Variants in CNTNAP5 observed in about 807,000 individuals in gnomAD.
The protein encoded by CNTNAP5 is contactin associated protein family member 5.
CNTNAP5 carries 72 observed loss-of-function variants against 150.2 expected under a neutral mutation model. That is an observed-to-expected ratio of 0.48 (90% CI 0.40 to 0.58). CNTNAP5 has a LOEUF of 0.58. Ranked by LOEUF, CNTNAP5 falls within the 20% of genes least tolerant of loss-of-function variation. The probability of loss-of-function intolerance (pLI) is 0.00; values close to 1 mark genes in which losing one functional copy is unlikely to be tolerated. For synonymous variants in CNTNAP5, 672 were observed against 619.8 expected (o/e 1.08, Z -1.25); for missense variants, 1,636 against 1,626.2 (o/e 1.01, Z -0.10).
intron 3 of CNTNAP5, 114 bp downstream of exon 3, chr2:124,242,507 T>A: frequency 1.0e-6 from 1 of 1,002,362 alleles, no homozygotes; most frequent in Non-Finnish European, 1.5e-6. Context: ...AACTGGTGAG[T>A]GCCCATTAGA....
At chr2:124,786,865 A>G (rs1007699869) in intron 17 of CNTNAP5, among the ~76,000 whole-genome samples, 3 of 152,228 alleles carry the variant, frequency 2.0e-5, no homozygotes, top group African/African-American at 7.2e-5. Context: ...AAGAAAAAGC[A>G]AACTTACTCC....
intron 1 of CNTNAP5, among the ~76,000 whole-genome samples, chr2:124,080,584 A>ATCATTTCC (rs952113151): frequency 6.6e-6 from 1 of 152,188 alleles, no homozygotes; most frequent in African/African-American, 2.4e-5. Flanking sequence ...AACACTGAAA[A>ATCATTTCC]TCATTTCCAA....
chr2:124,403,594 T>C (rs1307139556), intron 3 of CNTNAP5, among the ~76,000 whole-genome samples: 1 of 152,216 alleles, frequency 6.6e-6, no homozygotes, highest in African/African-American at 2.4e-5. Context: ...TCCATTTCAA[T>C]ATACCTTTAA....
intron 1 of CNTNAP5, among the ~76,000 whole-genome samples, chr2:124,079,202 A>C (rs1219497795): frequency 1.3e-5 from 2 of 152,210 alleles, no homozygotes; most frequent in Non-Finnish European, 1.5e-5. Flanking sequence ...TAGGCAGAAA[A>C]TTTGATCTCA....
At chr2:124,492,735 A>G (rs1273650749) in intron 7 of CNTNAP5, among the ~76,000 whole-genome samples, 1 of 152,062 alleles carries the variant, frequency 6.6e-6, no homozygotes, top group African/African-American at 2.4e-5. Flanking sequence ...TTTTGATGCT[A>G]TTGTAAATGG....
At chr2:124,697,829 A>G (rs962961580) in intron 13 of CNTNAP5, among the ~76,000 whole-genome samples, 33 of 152,296 alleles carry the variant, frequency 2.2e-4, no homozygotes, top group Admixed American at 5.9e-4. Flanking sequence ...GCACTGTTCT[A>G]TGAACTTGCA....
rs56024878 is a variant in CNTNAP5 at position 124,872,374 on chromosome 2, C to CTGTG, written c.3436+2651_3436+2654dup. Among the ~76,000 whole-genome samples the CTGTG allele has an allele frequency of 3.1e-3, 436 of 139,410 alleles. 2 individuals are homozygous for CTGTG. Among genetic ancestry groups the CTGTG allele is most frequent in the Middle Eastern group, 0.011 (3 of 274 alleles). 91.5% of individuals were successfully genotyped at this position (139,410 alleles called of 152,430 possible). A position where few individuals can be genotyped will look rare whatever the true frequency, so the allele number is the denominator to read the frequency against. ...TCCTGTGGTAACTTGTTTCCTTATG[C>CTGTG]TGTGTGTGTGTGTGTGTGTGTGTGT... On this transcript the variant is annotated intron_variant, in intron 21 of 23. Coordinates refer to ENST00000682447, the MANE Select transcript of CNTNAP5 (RefSeq NM_001367498.1).
intron 13 of CNTNAP5, among the ~76,000 whole-genome samples, chr2:124,651,161 T>A (rs1025994505): frequency 2.0e-5 from 3 of 152,246 alleles, no homozygotes; most frequent in Non-Finnish European, 1.5e-5. Context: ...ATAGTTTTGT[T>A]ATTAATTTTT....
At chr2:124,437,550 T>TA (rs894599904) in intron 5 of CNTNAP5, among the ~76,000 whole-genome samples, 6 of 151,916 alleles carry the variant, frequency 3.9e-5, no homozygotes, top group African/African-American at 9.7e-5. Context: ...GAAAATAATA[T>TA]AAAAAAAAGA....
intron 1 of CNTNAP5, among the ~76,000 whole-genome samples, chr2:124,203,149 T>C (rs1338180014): frequency 6.6e-6 from 1 of 152,140 alleles, no homozygotes. Flanking sequence ...ATGGAAGACA[T>C]TGGCCAAAAC....
intron 3 of CNTNAP5, among the ~76,000 whole-genome samples, chr2:124,320,106 G>A (rs544529565): frequency 6.6e-6 from 1 of 152,152 alleles, no homozygotes; most frequent in Non-Finnish European, 1.5e-5. Context: ...TTCCATTTAC[G>A]TCGTAACATA....
chr2:124,324,500 A>G (rs1689169520), intron 3 of CNTNAP5, among the ~76,000 whole-genome samples: 1 of 152,196 alleles, frequency 6.6e-6, no homozygotes, highest in Non-Finnish European at 1.5e-5. Flanking sequence ...ACTCAAGAAG[A>G]ATGCCTGGAG....
chr2:124,382,453 T>C (rs1275157842), intron 3 of CNTNAP5, among the ~76,000 whole-genome samples: 1 of 152,132 alleles, frequency 6.6e-6, no homozygotes, highest in African/African-American at 2.4e-5. Flanking sequence ...GAAGCATCAC[T>C]GGGTGGTTTT....
chr2:124,302,790 T>C (rs992663929), intron 3 of CNTNAP5, among the ~76,000 whole-genome samples: 1 of 152,202 alleles, frequency 6.6e-6, no homozygotes, highest in South Asian at 2.1e-4. Flanking sequence ...CAAAGACTTC[T>C]GGGCTTGAGT....
At chr2:124,474,000 C>T (rs1693580904) in intron 6 of CNTNAP5, among the ~76,000 whole-genome samples, 1 of 151,898 alleles carries the variant, frequency 6.6e-6, no homozygotes, top group Admixed American at 6.6e-5. Context: ...TGACAAAAAC[C>T]GCAGTTGCTT....
intron 15 of CNTNAP5, 75 bp downstream of exon 15, chr2:124,763,874 T>A: frequency 6.2e-7 from 1 of 1,601,808 alleles, no homozygotes; most frequent in Non-Finnish European, 8.5e-7. Context: ...TTATCCCTTT[T>A]CCCTGCAGTG....
intron 1 of CNTNAP5, among the ~76,000 whole-genome samples, chr2:124,077,269 G>A (rs937895196): frequency 1.3e-4 from 20 of 151,756 alleles, no homozygotes; most frequent in African/African-American, 4.1e-4. Context: ...AATACGTCTC[G>A]GTGTATCCTC....
intron 1 of CNTNAP5, among the ~76,000 whole-genome samples, chr2:124,045,347 G>A (rs1276758359): frequency 1.4e-5 from 2 of 145,162 alleles, no homozygotes; most frequent in Non-Finnish European, 3.0e-5. Flanking sequence ...CACACAGGCT[G>A]GAGAGCAATG....
Position 124,865,426 on chromosome 2 carries a change from T to C in CNTNAP5, c.3338T>C (p.Leu1113Pro). The C allele has an allele frequency of 6.4e-7, 1 of 1,551,626 alleles. No homozygotes were observed. Among genetic ancestry groups the C allele is most frequent in the South Asian group, 1.2e-5 (1 of 84,052 alleles). Reference protein sequence around the residue: ...HLKINREGRELTIQMDQQLRL... With the variant: ...HLKINREGREPTIQMDQQLRL... ...AAGATTAACCGAGAGGGAAGAGAGC[T>C]TACCATTCAGGTACCTTCCTTACTT... Residue 1113 changes from leucine (L) to proline (P), a missense_variant, in exon 20 of 24, where the codon CTT (leucine) becomes CCT (proline). Physicochemically the swap from Leu to Pro is moderately conservative, Grantham distance 98. Coordinates refer to ENST00000682447, the MANE Select transcript of CNTNAP5 (RefSeq NM_001367498.1).
Sources: allele counts gnomAD v4.1 joint callset (sites outside exome capture counted in the v4.1 genomes callset), GRCh38; gene constraint gnomAD v4.1.1; transcripts MANE v1.5; gene names NCBI Gene and HGNC (gene_info 2026-07-23, HGNC 2026-07-21).